TLCD4: variants seen among roughly 807,000 people sequenced by gnomAD.
The protein encoded by TLCD4 is TLC domain containing 4, also known as TLC domain-containing protein 4.
Under a neutral mutation model 24.2 loss-of-function variants are expected in TLCD4, and 7 were observed. The observed-to-expected ratio is 0.29, with a 90% CI of 0.16 to 0.54. TLCD4 has a LOEUF of 0.54. TLCD4 is among the 20% of genes least tolerant of loss of function. The probability of loss-of-function intolerance (pLI) is 0.95; values close to 1 mark genes in which losing one functional copy is unlikely to be tolerated. For missense variants in TLCD4, 259 were observed against 313.9 expected (o/e 0.82, Z 1.32); for synonymous variants, 103 against 106.4 (o/e 0.97, Z 0.20).
chr1:95,148,471 G>A (rs1677407430), intron 2 of TLCD4, among the ~76,000 whole-genome samples: 1 of 152,172 alleles, frequency 6.6e-6, no homozygotes, highest in African/African-American at 2.4e-5. Flanking sequence ...TTCTCTAGCA[G>A]GAAATTGTAG....
chr1:95,174,517 A>G (rs1310640787), intron 6 of TLCD4, among the ~76,000 whole-genome samples: 3 of 127,718 alleles, frequency 2.3e-5, no homozygotes, highest in African/African-American at 3.6e-5. Context: ...CAAAAAAAAA[A>G]AAAAAAAAAG....
intron 5 of TLCD4, chr1:95,164,126 C>G (rs1194225494): frequency 2.6e-5 from 4 of 152,374 alleles, no homozygotes; most frequent in African/African-American, 4.8e-5. Context: ...AGGCAGGCCT[C>G]CTTGAGCTGT....
intron 5 of TLCD4, among the ~76,000 whole-genome samples, chr1:95,159,349 T>G (rs7521517): frequency 1.3e-5 from 2 of 151,986 alleles, no homozygotes; most frequent in African/African-American, 4.8e-5. Flanking sequence ...ACTTTTTGAT[T>G]GGGTTGTTTG....
the TLCD4 span, among the ~76,000 whole-genome samples, chr1:95,102,782 C>T: frequency 2.3e-4 from 35 of 152,116 alleles, no homozygotes; most frequent in Non-Finnish European, 4.0e-4. Context: ...AGAATCAAAG[C>T]AGAAAAGACC....
chr1:95,122,102 G>A (rs1311773237), intron 1 of TLCD4, among the ~76,000 whole-genome samples: 2 of 152,176 alleles, frequency 1.3e-5, no homozygotes, highest in African/African-American at 2.4e-5. Flanking sequence ...GGTGGCTCAC[G>A]CCTATAATCC....
chr1:95,151,067 T>C (rs113945915), intron 4 of TLCD4, among the ~76,000 whole-genome samples: 1 of 152,246 alleles, frequency 6.6e-6, no homozygotes, highest in African/African-American at 2.4e-5. Flanking sequence ...TGCCAGGCCT[T>C]GTGCTAGATT....
chr1:95,183,105 A>G (rs1242379760), intron 6 of TLCD4, among the ~76,000 whole-genome samples: 5 of 152,178 alleles, frequency 3.3e-5, no homozygotes, highest in African/African-American at 1.2e-4. Context: ...TGTAGGATAG[A>G]TTGTAACACT....
At position 95,125,593 on chromosome 1, in the gene TLCD4, C is replaced by A. The variant is rs184134210; in HGVS notation, c.-12+7976C>A. The A allele has an allele frequency of 2.6e-5, 4 of 152,308 alleles. No homozygotes were observed. In the East Asian group the frequency reaches 7.7e-4, roughly 29 times the overall value. The allele number at this position is 152,308 out of a possible 1,614,324, so 9.4% of individuals were successfully genotyped here. On this transcript the variant is annotated intron_variant, in intron 1 of 6. Coordinates refer to ENST00000370203, the MANE Select transcript of TLCD4 (RefSeq NM_152487.3). ...GTGAACAATCAATGGAGACAACTCA[C>A]TACCTTCAGACTAGCCCTCGGGTAG...
intron 2 of TLCD4, among the ~76,000 whole-genome samples, chr1:95,145,356 A>G (rs548584761): frequency 1.3e-5 from 2 of 152,216 alleles, no homozygotes; most frequent in African/African-American, 4.8e-5. Flanking sequence ...ATTGTTTTGC[A>G]GGCATCTACT....
chr1:95,114,830 A>T (rs74833855), upstream of TLCD4, among the ~76,000 whole-genome samples: 1 of 145,486 alleles, frequency 6.9e-6, no homozygotes, highest in Non-Finnish European at 1.5e-5. Flanking sequence ...TGTCTCAAAG[A>T]AAAAAAAAAA....
chr1:95,191,641 AT>A lies in TLCD4; in HGVS notation c.567del (p.Ile189MetfsTer21). Reference sequence around the variant, plus strand: ...GACAGTAGTATTCTTCATCGTGCGGATTGCCTCAATGCTTCCTCATTATGGC... The same window carrying A: ...GACAGTAGTATTCTTCATCGTGCGGATGCCTCAATGCTTCCTCATTATGGC... The part of the protein sequence containing the change: ...LMTVVFFIVR[I>X]ASMLPHYGFM... On this transcript the variant is annotated frameshift_variant, in exon 7 of 7. Transcript: ENST00000370203. LOFTEE classifies it low-confidence loss of function (END_TRUNC). 3 of 1,614,170 alleles carry A rather than the reference AT, an allele frequency of 1.9e-6. No individual in the cohort carries two copies. The highest frequency in any genetic ancestry group is 2.5e-6 in the Non-Finnish European group (3 of 1,180,026).
chr1:95,093,479 G>A, the TLCD4 span, among the ~76,000 whole-genome samples: 3 of 152,200 alleles, frequency 2.0e-5, no homozygotes, highest in Non-Finnish European at 4.4e-5. Flanking sequence ...ATGTATCAGA[G>A]TAGGCTGTAC....
chr1:95,098,036 C>T, the TLCD4 span, among the ~76,000 whole-genome samples: 2 of 152,124 alleles, frequency 1.3e-5, no homozygotes, highest in Admixed American at 1.3e-4. Flanking sequence ...TAACAAAAAA[C>T]AGTTACCACC....
chr1:95,175,435 C>T (rs924071577), intron 6 of TLCD4, among the ~76,000 whole-genome samples: 5 of 152,178 alleles, frequency 3.3e-5, no homozygotes, highest in African/African-American at 7.2e-5. Flanking sequence ...TGCATTCATC[C>T]GTCCATGGAC....
At chr1:95,094,349 G>A in the TLCD4 span, among the ~76,000 whole-genome samples, 10 of 151,348 alleles carry the variant, frequency 6.6e-5, no homozygotes, top group Admixed American at 2.6e-4. Context: ...TTCCCAGGCC[G>A]GTCTTTAACT....
intron 5 of TLCD4, among the ~76,000 whole-genome samples, chr1:95,170,013 CAGTA>C (rs1293525189): frequency 6.6e-6 from 1 of 152,108 alleles, no homozygotes; most frequent in Non-Finnish European, 1.5e-5. Flanking sequence ...TTGAAGGATA[CAGTA>C]AGAAATTTAG....
At chr1:95,112,183 A>G in the TLCD4 span, among the ~76,000 whole-genome samples, 1 of 152,044 alleles carries the variant, frequency 6.6e-6, no homozygotes. Flanking sequence ...ATCTCCAGAC[A>G]TTGCCACGTG....
the TLCD4 span, among the ~76,000 whole-genome samples, chr1:95,109,677 C>T: frequency 0.51 from 76,105 of 150,570 alleles, 20,859 homozygotes; most frequent in Non-Finnish European, 0.6. Context: ...TTAGTAGAGA[C>T]GGGGTTTCAC....
Position 95,194,530 on chromosome 1 carries a change from A to G in TLCD4, c.*2662A>G, listed in dbSNP as rs1389122292. 2 of 152,316 alleles carry G rather than the reference A, an allele frequency of 1.3e-5. No individual in the cohort carries two copies. Among genetic ancestry groups the G allele is most frequent in the African/African-American group, 4.8e-5 (2 of 41,590 alleles). The allele number at this position is 152,316 out of a possible 1,614,324, so 9.4% of individuals were successfully genotyped here. A position where few individuals can be genotyped will look rare whatever the true frequency, so the allele number is the denominator to read the frequency against. On this transcript the variant is annotated 3_prime_UTR_variant, in exon 7 of 7. Coordinates refer to ENST00000370203, the MANE Select transcript of TLCD4 (RefSeq NM_152487.3). ...TACACGGATTAATTTAAATGATTCT[A>G]TCAGGCATTCTGATATTTAACAACT...
Sources: gnomAD v4.1 joint callset for allele counts (sites outside exome capture counted in the v4.1 genomes callset) on GRCh38, gnomAD v4.1.1 for gene constraint, MANE v1.5 for transcripts, NCBI Gene and HGNC (gene_info 2026-07-23, HGNC 2026-07-21) for gene names.